BCO1: variants seen among roughly 807,000 people sequenced by gnomAD.
BCO1 encodes the protein beta,beta-carotene 15,15'-dioxygenase.
BCO1 carries 54 observed loss-of-function variants against 56.3 expected under a neutral mutation model. The observed-to-expected ratio is 0.96, with a 90% CI of 0.77 to 1.20. BCO1 has a LOEUF of 1.20. Among genes scored for constraint, BCO1 ranks in the 50% most tolerant of loss-of-function variants. The probability of loss-of-function intolerance (pLI) is 0.00; values close to 1 mark genes in which losing one functional copy is unlikely to be tolerated. For missense variants in BCO1, 801 were observed against 690.9 expected, an observed-to-expected ratio of 1.16 and a Z score of -1.79; for synonymous variants, 318 against 266.1, an observed-to-expected ratio of 1.20 and a Z score of -1.90.
At chr16:81,280,207 A>G (rs574857842) in intron 7 of BCO1, among the ~76,000 whole-genome samples, 2 of 135,666 alleles carry the variant, frequency 1.5e-5, no homozygotes, top group African/African-American at 2.7e-5. Context: ...AGGTTGCGGT[A>G]AGCCAAGATC....
Position 81,267,985 on chromosome 16 carries a change from C to A in BCO1, c.697C>A (p.Pro233Thr), listed in dbSNP as rs138840753. The change falls in exon 6 of 11, where the codon CCA becomes ACA. Residue 233 changes from proline to threonine, a missense_variant. Physicochemically the swap from Pro to Thr is conservative, Grantham distance 38 (BLOSUM62 -1). Coordinates refer to ENST00000258168, the MANE Select transcript of BCO1 (RefSeq NM_017429.3). ...CSIPSRSLLS[P>T]SYYHSFGVTE... ...CATCCCATCCCGCTCCCTGCTCTCC[C>A]CAAGCTACTACCACAGCTTTGGAGT... 14 of 1,613,902 alleles carry A rather than the reference C, an allele frequency of 8.7e-6. No individual in the cohort carries two copies. In the African/African-American group the frequency reaches 1.9e-4, roughly 22 times the overall value.
chr16:81,278,864 G>T (rs181171096), intron 7 of BCO1, among the ~76,000 whole-genome samples: 1 of 152,144 alleles, frequency 6.6e-6, no homozygotes, highest in African/African-American at 2.4e-5. Context: ...TCTACAAATC[G>T]AGACTGAATT....
At chr16:81,273,400 C>T (rs1015147899) in intron 7 of BCO1, among the ~76,000 whole-genome samples, 12 of 152,124 alleles carry the variant, frequency 7.9e-5, no homozygotes, top group South Asian at 4.1e-4. Flanking sequence ...GCCTGGCAGA[C>T]GGTCCTACAG....
intron 2 of BCO1, among the ~76,000 whole-genome samples, chr16:81,246,940 C>A (rs1300461979): frequency 2.0e-5 from 3 of 151,078 alleles, no homozygotes; most frequent in African/African-American, 7.3e-5. Context: ...AGACCACTTA[C>A]ACAATAAGCC....
chr16:81,287,244 A>T (rs1372726345), intron 9 of BCO1, 51 bp from the exon 10 acceptor site: 13 of 1,329,400 alleles, frequency 9.8e-6, no homozygotes, highest in Non-Finnish European at 1.4e-5. Context: ...TGCAGAGAAT[A>T]GTATTCTCTC....
At chr16:81,251,243 T>C (rs965364870) in intron 2 of BCO1, among the ~76,000 whole-genome samples, 11 of 151,736 alleles carry the variant, frequency 7.2e-5, no homozygotes, top group Admixed American at 3.3e-4. Flanking sequence ...CAGAGGCCAG[T>C]AGAAATTAAT....
chr16:81,261,465 A>G (rs1906476874), intron 3 of BCO1, among the ~76,000 whole-genome samples: 1 of 152,244 alleles, frequency 6.6e-6, no homozygotes, highest in Non-Finnish European at 1.5e-5. Context: ...AGCAGATATC[A>G]GCTACGTTGT....
intron 2 of BCO1, 125 bp downstream of exon 2, chr16:81,245,728 A>G (rs1905366995): frequency 7.9e-6 from 10 of 1,273,592 alleles, no homozygotes; most frequent in Non-Finnish European, 3.3e-6. Flanking sequence ...GTCTCACTGA[A>G]CTGAAATCAA....
chr16:81,249,225 G>C (rs1905631193), intron 2 of BCO1, among the ~76,000 whole-genome samples: 1 of 151,756 alleles, frequency 6.6e-6, no homozygotes, highest in African/African-American at 2.4e-5. Context: ...GGCGTAGCTA[G>C]GATTACAGGC....
chr16:81,280,707 C>T (rs1214428693), intron 7 of BCO1, 150 bp from the exon 8 acceptor site: 6 of 668,694 alleles, frequency 9.0e-6, no homozygotes, highest in Non-Finnish European at 5.2e-6. Flanking sequence ...CTAAGGATAA[C>T]AACAGGAAAC....
chr16:81,268,162 G>C, intron 6 of BCO1, 31 bp downstream of exon 6: 1 of 1,585,498 alleles, frequency 6.3e-7, no homozygotes, highest in Non-Finnish European at 8.6e-7. Context: ...AGCCCAGTGG[G>C]TGCTGGCTGA....
At chr16:81,265,554 C>A (rs1298315055) in intron 5 of BCO1, among the ~76,000 whole-genome samples, 1 of 145,284 alleles carries the variant, frequency 6.9e-6, no homozygotes, top group Non-Finnish European at 1.5e-5. Context: ...ACTTACCCAC[C>A]ATCCATCCAT....
In BCO1 at chr16:81,246,850, C is replaced by CAAAAAAAAAAAAAAAAAAAAAAA. The variant is rs71710906; in HGVS notation, c.193+1265_193+1266insAAAAAAAAAAAAAAAAAAAAAAA. Reference sequence around the variant, plus strand: ...TGGGAGACAGAGCCAGACTTTGTCTCAAAAAAAAAAAAAAAAAAGAAGAGT... The same window carrying CAAAAAAAAAAAAAAAAAAAAAAA: ...TGGGAGACAGAGCCAGACTTTGTCTCAAAAAAAAAAAAAAAAAAAAAAAAAAAAAAAAAAAAAAAAAGAAGAGT... On this transcript the variant is annotated intron_variant, in intron 2 of 10. Coordinates refer to ENST00000258168, the MANE Select transcript of BCO1 (RefSeq NM_017429.3). Among the ~76,000 whole-genome samples the CAAAAAAAAAAAAAAAAAAAAAAA allele has an allele frequency of 9.6e-5, 8 of 83,328 alleles. 1 individual carries two copies. The highest frequency in any genetic ancestry group is 4.8e-4 in the South Asian group (1 of 2,092). 54.7% of individuals were successfully genotyped at this position (83,328 alleles called of 152,430 possible).
intron 3 of BCO1, 154 bp from the exon 4 acceptor site, chr16:81,261,982 T>C: frequency 1.2e-6 from 1 of 836,256 alleles, no homozygotes; most frequent in Non-Finnish European, 2.0e-6. Flanking sequence ...GACCTCGTGA[T>C]CCACCTGCCT....
At chr16:81,244,823 G>C (rs1017711758) in intron 1 of BCO1, among the ~76,000 whole-genome samples, 1 of 150,746 alleles carries the variant, frequency 6.6e-6, no homozygotes, top group Admixed American at 6.7e-5. Context: ...AGGCTCAAGC[G>C]ATCCTCCCAC....
At chr16:81,241,422 G>C (rs1905102328) in intron 1 of BCO1, among the ~76,000 whole-genome samples, 1 of 152,164 alleles carries the variant, frequency 6.6e-6, no homozygotes, top group Non-Finnish European at 1.5e-5. Context: ...GGAAATGTTA[G>C]AAAACATGAA....
chr16:81,285,132 G>A (rs914500699), intron 8 of BCO1, among the ~76,000 whole-genome samples: 5 of 152,266 alleles, frequency 3.3e-5, no homozygotes, highest in African/African-American at 4.8e-5. Flanking sequence ...GAGCCACTGC[G>A]CCCAGCCAGC....
At chr16:81,269,470 A>AT in intron 6 of BCO1, among the ~76,000 whole-genome samples, 1 of 151,338 alleles carries the variant, frequency 6.6e-6, no homozygotes, top group Non-Finnish European at 1.5e-5. Flanking sequence ...GAATTTATTT[A>AT]TTTATTTATT....
At chr16:81,261,666 G>A (rs1177526854) in intron 3 of BCO1, among the ~76,000 whole-genome samples, 1 of 152,134 alleles carries the variant, frequency 6.6e-6, no homozygotes, top group Non-Finnish European at 1.5e-5. Context: ...GGTGTCTTTG[G>A]GGTGTCTGAG....
Sources: gnomAD v4.1 joint callset for allele counts (sites outside exome capture counted in the v4.1 genomes callset) on GRCh38, gnomAD v4.1.1 for gene constraint, MANE v1.5 for transcripts, NCBI Gene and HGNC (gene_info 2026-07-23, HGNC 2026-07-21) for gene names.